Variants in CELSR1 observed in about 807,000 individuals in gnomAD.
CELSR1 encodes the protein cadherin EGF LAG seven-pass G-type receptor 1.
A neutral mutation model predicts 249.1 loss-of-function variants in CELSR1; 110 were observed. The observed-to-expected ratio is 0.44, with a 90% confidence interval of 0.38 to 0.52. The LOEUF (loss-of-function observed/expected upper bound fraction) is 0.52. Ranked by LOEUF, CELSR1 falls within the 20% of genes least tolerant of loss-of-function variation. The probability of loss-of-function intolerance (pLI) is 0.00; values close to 1 mark genes in which losing one functional copy is unlikely to be tolerated. For missense variants in CELSR1, 4,109 were observed against 4,296.4 expected (o/e 0.96, Z 1.22); for synonymous variants, 2,113 against 1,900.0 (o/e 1.11, Z -2.92).
At chr22:46,487,311 T>C (rs1307454253) in intron 1 of CELSR1, among the ~76,000 whole-genome samples, 1 of 151,636 alleles carries the variant, frequency 6.6e-6, no homozygotes, top group African/African-American at 2.4e-5. Flanking sequence ...TTAAAAACTA[T>C]TTGGTATAAT....
chr22:46,398,513 C>T lies in CELSR1; in HGVS notation c.5526+11G>A, dbSNP rs761196828. 2 of 1,566,340 alleles carry T rather than the reference C, an allele frequency of 1.3e-6. No individual in the cohort carries two copies. The highest frequency in any genetic ancestry group is 1.7e-4 in the Middle Eastern group (1 of 5,884). On this transcript the variant is annotated intron_variant, in intron 11 of 34. Coordinates refer to ENST00000674500, the MANE Select transcript of CELSR1 (RefSeq NM_001378328.1). This position sits in a 1 kb window ranked among gnomAD's most constrained non-coding sequence, Gnocchi z 7.2. ...GCAGGCCTCCCCCCGCCCCCCACAA[C>T]CCCCACGCACCTGCATGCAGCCTCG...
In CELSR1 at chr22:46,423,108, T is replaced by C. The variant is rs150381023; in HGVS notation, c.4611+10285A>G. Among the ~76,000 whole-genome samples the C allele has an allele frequency of 5.5e-3, 832 of 152,194 alleles. 7 individuals carry two copies. The highest frequency in any genetic ancestry group is 0.019 in the African/African-American group (785 of 41,522). On this transcript the variant is annotated intron_variant, in intron 5 of 34. Coordinates refer to ENST00000674500, the MANE Select transcript of CELSR1 (RefSeq NM_001378328.1). This position sits in a 1 kb window ranked among gnomAD's most constrained non-coding sequence, Gnocchi z 5.6. ...ATAAGGCCTGGAAAGCACCGTGCAC[T>C]GGGACTCGCCCTCTCTGGCTGCTAG...
At chr22:46,439,472 G>C (rs533034082) in intron 2 of CELSR1, 61 bp from the exon 3 acceptor site, 1 of 1,439,118 alleles carries the variant, frequency 6.9e-7, no homozygotes, top group African/African-American at 1.4e-5. Context: ...AAAAGCCAAC[G>C]AGCCTGTCGC....
Position 46,430,045 on chromosome 22 carries a change from T to TG in CELSR1, c.4611+3347dup, listed in dbSNP as rs1283113565. 6.6e-6 allele frequency among the ~76,000 whole-genome samples: 1 copy of TG among 152,020 alleles called. No individual in the cohort carries two copies. The highest frequency in any genetic ancestry group is 2.4e-5 in the African/African-American group (1 of 41,390). ...CTCCCAGGCCCTGTACACTGGTGGGTGGGGGAAGGGTCCCCGCAGGTTGCA... is the reference window on the plus strand; with the variant it reads ...CTCCCAGGCCCTGTACACTGGTGGGTGGGGGGAAGGGTCCCCGCAGGTTGCA... On this transcript the variant is annotated intron_variant, in intron 5 of 34. Transcript: ENST00000674500. This position sits in a 1 kb window ranked among gnomAD's most constrained non-coding sequence, Gnocchi z 4.6.
Position 46,513,659 on chromosome 22 carries a change from C to A in CELSR1, c.3544+19968G>T, listed in dbSNP as rs145266152. Among the ~76,000 whole-genome samples the A allele has an allele frequency of 3.5e-3, 532 of 152,270 alleles. 2 individuals are homozygous for A. The highest frequency in any genetic ancestry group is 0.01 in the Middle Eastern group (3 of 294). ...CCCTGCAGTGTGCACTTCCTACGGG[C>A]AGCAACACTTCTGTTTACTCCGTCA... On this transcript the variant is annotated intron_variant, in intron 1 of 34. Transcript: ENST00000674500.
intron 1 of CELSR1, among the ~76,000 whole-genome samples, chr22:46,532,686 G>A (rs2080803931): frequency 6.6e-6 from 1 of 152,154 alleles, no homozygotes; most frequent in African/African-American, 2.4e-5. Context: ...AAGGTCACCT[G>A]CCTGCACCAG....
chr22:46,480,767 C>A (rs1239219817), intron 1 of CELSR1, among the ~76,000 whole-genome samples: 7 of 152,174 alleles, frequency 4.6e-5, no homozygotes, highest in African/African-American at 1.7e-4. Context: ...GCACTGGCCA[C>A]AGGAAATATA....
At chr22:46,479,077 C>T (rs912439344) in intron 1 of CELSR1, among the ~76,000 whole-genome samples, 10 of 151,822 alleles carry the variant, frequency 6.6e-5, no homozygotes, top group African/African-American at 2.4e-4. Flanking sequence ...GCAGGTGACC[C>T]TCGGCCTCCC....
chr22:46,381,089 C>T lies in CELSR1; in HGVS notation c.7089-134G>A, dbSNP rs2078973394. On this transcript the variant is annotated intron_variant, in intron 21 of 34. Coordinates refer to ENST00000674500, the MANE Select transcript of CELSR1 (RefSeq NM_001378328.1). The surrounding 1 kb of genome is among the most constrained non-coding windows in gnomAD (Gnocchi z 6.0). Reference sequence around the variant, plus strand: ...CAGAATCACACTCCGAGAGCTCGGACCCACGGACCCCACAGTATCTTCATC... The same window carrying T: ...CAGAATCACACTCCGAGAGCTCGGATCCACGGACCCCACAGTATCTTCATC... 5 of 851,194 alleles carry T rather than the reference C, an allele frequency of 5.9e-6. No individual in the cohort carries two copies. In the South Asian group the frequency reaches 8.6e-5, roughly 15 times the overall value. 52.7% of individuals were successfully genotyped at this position (851,194 alleles called of 1,614,324 possible). A position where few individuals can be genotyped will look rare whatever the true frequency, so the allele number is the denominator to read the frequency against.
At chr22:46,389,241 CCGAG>C in intron 18 of CELSR1, 45 bp downstream of exon 18, 1 of 1,584,194 alleles carries the variant, frequency 6.3e-7, no homozygotes, top group African/African-American at 1.4e-5. Context: ...CCACGGGCAT[CCGAG>C]TGTCCCCGAG....
At chr22:46,368,090 G>A (rs891392187) in intron 27 of CELSR1, among the ~76,000 whole-genome samples, 1 of 152,172 alleles carries the variant, frequency 6.6e-6, no homozygotes, top group Non-Finnish European at 1.5e-5. Flanking sequence ...GAATACATTA[G>A]GAAGCAAATG....
In CELSR1 at chr22:46,440,909, T is replaced by C. The variant is rs4823811; in HGVS notation, c.4184-1498A>G. 6.9e-3 allele frequency among the ~76,000 whole-genome samples: 1,046 copies of C among 152,110 alleles called. 40 individuals carry two copies. The highest frequency in any genetic ancestry group is 0.064 in the Admixed American group (976 of 15,270). On this transcript the variant is annotated intron_variant, in intron 2 of 34. Coordinates refer to ENST00000674500, the MANE Select transcript of CELSR1 (RefSeq NM_001378328.1). The surrounding 1 kb of genome is among the most constrained non-coding windows in gnomAD (Gnocchi z 4.7). ...GGCTCACACCTATCATCCCAGCACT[T>C]TGGGAGGCTGAGGTGGGTGGATGTC...
At position 46,513,913 on chromosome 22, in the gene CELSR1, C is replaced by A. The variant is rs570989343; in HGVS notation, c.3544+19714G>T. 2.9e-3 allele frequency among the ~76,000 whole-genome samples: 440 copies of A among 150,496 alleles called. 3 individuals are homozygous for A. Among genetic ancestry groups the A allele is most frequent in the African/African-American group, 9.9e-3 (398 of 40,110 alleles). Reference sequence around the variant, plus strand: ...GTTCACGCCATTCTCCTGCCTCAGCCCCCCCCGAGTAGCTGGGACTACAGG... The same window carrying A: ...GTTCACGCCATTCTCCTGCCTCAGCACCCCCCGAGTAGCTGGGACTACAGG... On this transcript the variant is annotated intron_variant, in intron 1 of 34. Transcript: ENST00000674500.
Position 46,361,815 on chromosome 22 carries a change from C to T in CELSR1, c.*1408G>A, listed in dbSNP as rs967716300. On this transcript the variant is annotated 3_prime_UTR_variant, in exon 35 of 35. Coordinates refer to ENST00000674500, the MANE Select transcript of CELSR1 (RefSeq NM_001378328.1). ...CTGTGCTGATCACTTATTTGGGCAC[C>T]TGATTTGAAGAACAAAGGAAACGCT... The T allele has an allele frequency of 3.3e-5, 5 of 152,240 alleles. No homozygotes were observed. Among genetic ancestry groups the T allele is most frequent in the Admixed American group, 2.6e-4 (4 of 15,288 alleles). The allele number at this position is 152,240 out of a possible 1,614,324, so 9.4% of individuals were successfully genotyped here. A position where few individuals can be genotyped will look rare whatever the true frequency, so the allele number is the denominator to read the frequency against.
rs9627442 is a variant in CELSR1 at position 46,397,531 on chromosome 22, G to A, written c.5701+143C>T. On this transcript the variant is annotated intron_variant, in intron 12 of 34. Coordinates refer to ENST00000674500, the MANE Select transcript of CELSR1 (RefSeq NM_001378328.1). Reference sequence around the variant, plus strand: ...CAGAGTCTCTCTCTAGGAGGGGCCCGCTTGTTATAAAATAAAGCTCAGGGC... The same window carrying A: ...CAGAGTCTCTCTCTAGGAGGGGCCCACTTGTTATAAAATAAAGCTCAGGGC... 0.18 allele frequency: 133,740 copies of A among 741,152 alleles called. 18,995 individuals carry two copies. The highest frequency in any genetic ancestry group is 0.63 in the African/African-American group (34,724 of 54,892). The allele number at this position is 741,152 out of a possible 1,614,324, so 45.9% of individuals were successfully genotyped here.
rs746033416 is a variant in CELSR1 at position 46,410,489 on chromosome 22, G to A, written c.4842C>T (p.Asn1614=). The change falls in exon 7 of 35, where the codon AAC becomes AAT. Residue 1614 remains asparagine, a synonymous_variant. Coordinates refer to ENST00000674500, the MANE Select transcript of CELSR1 (RefSeq NM_001378328.1). This position sits in a 1 kb window ranked among gnomAD's most constrained non-coding sequence, Gnocchi z 6.8. ...PNLPEDFPVH[N]RQFVGCMRNL... ...TCCGCATGCAGCCCACGAACTGCCG[G>A]TTGTGCACTGGGAAGTCTTCTGGCA... The A allele has an allele frequency of 1.9e-6, 3 of 1,614,130 alleles. No individual in the cohort carries two copies. The Admixed American group carries it at 5.0e-5, about 27-fold the overall frequency.
Position 46,366,460 on chromosome 22 carries a change from G to C in CELSR1, c.8226C>G (p.Thr2742=). The C allele has an allele frequency of 6.4e-7, 1 of 1,550,416 alleles. No homozygotes were observed. Among genetic ancestry groups the C allele is most frequent in the African/African-American group, 1.4e-5 (1 of 73,052 alleles). Residue 2742 remains threonine, a synonymous_variant, in exon 30 of 35, where the codon ACC becomes ACG. Transcript: ENST00000674500. ...GCATGTCAGGCCCGTCACCGAAGGTGGTGTTGCAGTTGAGGGAGCGCTGAA... is the reference window on the plus strand; with the variant it reads ...GCATGTCAGGCCCGTCACCGAAGGTCGTGTTGCAGTTGAGGGAGCGCTGAA... ...TLLTRSLNCN[T]TFGDGPDMLR...
chr22:46,520,905 T>C (rs1221789465), intron 1 of CELSR1, among the ~76,000 whole-genome samples: 1 of 152,166 alleles, frequency 6.6e-6, no homozygotes, highest in Admixed American at 6.5e-5. Context: ...CCCCACCCCC[T>C]GGCAACCACC....
intron 1 of CELSR1, among the ~76,000 whole-genome samples, chr22:46,524,911 G>GC (rs1203366101): frequency 3.3e-5 from 5 of 152,128 alleles, no homozygotes; most frequent in Non-Finnish European, 7.4e-5. Flanking sequence ...AAGGCACTGG[G>GC]CCCTCCACCT....
Sources: gnomAD v4.1 joint callset for allele counts (sites outside exome capture counted in the v4.1 genomes callset) on GRCh38, gnomAD v4.1.1 for gene constraint, Gnocchi (gnomAD v3.1) non-coding constraint, MANE v1.5 for transcripts, NCBI Gene and HGNC (gene_info 2026-07-23, HGNC 2026-07-21) for gene names.